Variants in SYT1 observed in about 807,000 individuals in gnomAD.
SYT1 encodes the protein synaptotagmin-1.
In SYT1, 8 loss-of-function variants were observed where a neutral mutation model predicts 44.8. The ratio of observed to expected loss-of-function variants is 0.18; its 90% CI spans 0.10 to 0.32. The LOEUF is 0.32. SYT1 is among the 10% of genes least tolerant of loss of function. The pLI is 1.00. For synonymous variants in SYT1, 154 were observed against 188.8 expected (o/e 0.82, Z 1.51); for missense variants, 286 against 509.3 (o/e 0.56, Z 4.22).
rs889527676 is a variant in SYT1, at chr12:79,313,930, G to T, written c.810+14379G>T. On this transcript the variant is annotated intron_variant, in intron 8 of 10. Transcript: ENST00000261205. ...CACGCCTGTAATTCCAGCACTTTGG[G>T]AGGCCGAGGCGGGCGGATCACGAGG... is the stretch of plus-strand genomic sequence containing the variant. 4.2e-4 allele frequency among the ~76,000 whole-genome samples: 63 copies of T among 149,026 alleles called. 1 individual carries two copies. The highest frequency in any genetic ancestry group is 3.4e-3 in the Middle Eastern group (1 of 294).
In SYT1 at chr12:79,445,990, CATATATATATATATAT is replaced by C. The variant is rs59721146; in HGVS notation, c.1062+1813_1062+1828del. The stretch of plus-strand genomic sequence containing the variant: ...CTTCATGGAAACATTAATCCAAAGA[CATATATATATATATAT>C]ATATATATATATATATATATATATA... On this transcript the variant is annotated intron_variant, in intron 10 of 10. Coordinates refer to ENST00000261205, the MANE Select transcript of SYT1 (RefSeq NM_005639.3). Among the ~76,000 whole-genome samples, 106 of 44,154 alleles carry C rather than the reference CATATATATATATATAT, an allele frequency of 2.4e-3. 3 individuals carry two copies. Among genetic ancestry groups the C allele is most frequent in the Middle Eastern group, 0.026 (1 of 38 alleles). The allele number at this position is 44,154 out of a possible 152,430, so 29.0% of individuals were successfully genotyped here.
chr12:78,864,020 G>A (rs1451000441), upstream of SYT1: 1 of 152,122 alleles, frequency 6.6e-6, no homozygotes, highest in Non-Finnish European at 1.5e-5. Context: ...CCCTTCGCGG[G>A]AAGTCCCCAG....
intron 1 of SYT1, among the ~76,000 whole-genome samples, chr12:78,884,532 C>A (rs990870163): frequency 2.6e-5 from 4 of 151,512 alleles, no homozygotes; most frequent in African/African-American, 9.7e-5. Flanking sequence ...TTTCATACTG[C>A]AAAGTATCCT....
At chr12:79,073,504 G>A (rs534226466) in intron 3 of SYT1, among the ~76,000 whole-genome samples, 24 of 152,256 alleles carry the variant, frequency 1.6e-4, no homozygotes, top group African/African-American at 5.3e-4. Flanking sequence ...TCAGCGGGAT[G>A]ACCTCTCCAA....
At chr12:79,164,964 A>G (rs566720777) in intron 3 of SYT1, among the ~76,000 whole-genome samples, 10 of 151,980 alleles carry the variant, frequency 6.6e-5, no homozygotes, top group Non-Finnish European at 1.5e-4. Context: ...GTCTTTTGTG[A>G]AGGAGTTGGA....
chr12:79,412,506 A>G (rs1868493360), intron 9 of SYT1, among the ~76,000 whole-genome samples: 1 of 152,074 alleles, frequency 6.6e-6, no homozygotes, highest in Non-Finnish European at 1.5e-5. Flanking sequence ...TATTTTAGAG[A>G]GTCAGTTAAT....
intron 3 of SYT1, among the ~76,000 whole-genome samples, chr12:79,066,805 G>C (rs1254311351): frequency 6.6e-6 from 1 of 152,044 alleles, no homozygotes; most frequent in Non-Finnish European, 1.5e-5. Context: ...GTTGCTTTTG[G>C]TCTAGTTGGT....
chr12:79,353,416 C>T, intron 8 of SYT1, 86 bp from the exon 9 acceptor site: 1 of 1,039,714 alleles, frequency 9.6e-7, no homozygotes, highest in South Asian at 1.4e-5. Context: ...CATAATCCTC[C>T]TCTTGAAGAA....
chr12:79,303,726 A>C (rs1432646438), intron 8 of SYT1, among the ~76,000 whole-genome samples: 1 of 152,230 alleles, frequency 6.6e-6, no homozygotes, highest in Non-Finnish European at 1.5e-5. Flanking sequence ...TTTACTTCAC[A>C]GAAAAGCATG....
chr12:79,303,086 A>G (rs1038242253), intron 8 of SYT1, among the ~76,000 whole-genome samples: 1 of 152,144 alleles, frequency 6.6e-6, no homozygotes, highest in African/African-American at 2.4e-5. Flanking sequence ...TATTTATTGT[A>G]TACACAAGTC....
chr12:78,977,590 A>C (rs1868940697), intron 1 of SYT1: 1 of 152,208 alleles, frequency 6.6e-6, no homozygotes, highest in African/African-American at 2.4e-5. Context: ...GATTTTTTTA[A>C]AATGTCAGCA....
chr12:79,305,537 C>CA lies in SYT1; in HGVS notation c.810+5997dup, dbSNP rs34070535. Among the ~76,000 whole-genome samples the CA allele has an allele frequency of 2.0e-3, 291 of 143,742 alleles. 4 individuals carry two copies. The East Asian group carries it at 0.033, about 16-fold the overall frequency. 94.3% of individuals were successfully genotyped at this position (143,742 alleles called of 152,430 possible). ...TTACTGAGAGTCTACTATATGCTGA[C>CA]AAAAAAAAAAATCTCATAACATTCT... On this transcript the variant is annotated intron_variant, in intron 8 of 10. Transcript: ENST00000261205.
rs150345066 is a variant in SYT1, at chr12:78,871,069, A to G, written c.-217+5960A>G. On this transcript the variant is annotated intron_variant, in intron 1 of 10. Transcript: ENST00000261205. ...CATGAGTCAGTATAGTATTTTTTTA[A>G]CTTAACACCTGAGAATAAAGCTGAA... 5.1e-3 allele frequency among the ~76,000 whole-genome samples: 782 copies of G among 152,180 alleles called. 3 individuals carry two copies. The highest frequency in any genetic ancestry group is 7.9e-3 in the Non-Finnish European group (537 of 67,966).
intron 3 of SYT1, among the ~76,000 whole-genome samples, chr12:79,196,124 C>T (rs1873438442): frequency 6.6e-6 from 1 of 151,632 alleles, no homozygotes; most frequent in Admixed American, 6.6e-5. Context: ...ATAAAATGTA[C>T]ATGGAGCTAT....
intron 3 of SYT1, among the ~76,000 whole-genome samples, chr12:79,151,756 C>T (rs911223471): frequency 6.6e-6 from 1 of 152,124 alleles, no homozygotes; most frequent in African/African-American, 2.4e-5. Flanking sequence ...AACCTCAGAG[C>T]ACTCCCAAGT....
chr12:79,350,958 A>G (rs1400133579), intron 8 of SYT1, among the ~76,000 whole-genome samples: 3 of 152,218 alleles, frequency 2.0e-5, no homozygotes, highest in Admixed American at 6.5e-5. Flanking sequence ...AACTTTTTGA[A>G]AAGTAACTTC....
chr12:79,134,985 C>CCATACACACA lies in SYT1; in HGVS notation c.-17-82516_-17-82515insTACACACACA, dbSNP rs370134370. On this transcript the variant is annotated intron_variant, in intron 3 of 10. Coordinates refer to ENST00000261205, the MANE Select transcript of SYT1 (RefSeq NM_005639.3). ...AGAAAGTAGATCTTAAATGTTCTCA[C>CCATACACACA]CACACACACACACACACACACACAA... Among the ~76,000 whole-genome samples, 1,136 of 147,964 alleles carry CCATACACACA rather than the reference C, an allele frequency of 7.7e-3. 12 individuals carry two copies. Among genetic ancestry groups the CCATACACACA allele is most frequent in the African/African-American group, 0.027 (1,079 of 40,484 alleles).
chr12:79,275,079 C>T (rs1164190961), intron 4 of SYT1, among the ~76,000 whole-genome samples: 1 of 152,072 alleles, frequency 6.6e-6, no homozygotes, highest in Non-Finnish European at 1.5e-5. Flanking sequence ...TAAGGGACTG[C>T]CACTCCTAGG....
chr12:79,019,573 G>T (rs1209607510), intron 2 of SYT1, among the ~76,000 whole-genome samples: 3 of 151,938 alleles, frequency 2.0e-5, no homozygotes, highest in Non-Finnish European at 4.4e-5. Context: ...ATCAACATGA[G>T]AGACATTTTA....
Sources: gnomAD v4.1 joint callset for allele counts (sites outside exome capture counted in the v4.1 genomes callset) on GRCh38, gnomAD v4.1.1 for gene constraint, MANE v1.5 for transcripts, NCBI Gene and HGNC (gene_info 2026-07-23, HGNC 2026-07-21) for gene names.